Variants in KIRREL3 observed in about 807,000 individuals in gnomAD.
The protein encoded by KIRREL3 is kin of IRRE-like protein 3.
Under a neutral mutation model 89.7 loss-of-function variants are expected in KIRREL3, and 36 were observed. That is an observed-to-expected ratio of 0.40 (90% CI 0.31 to 0.53). The LOEUF is 0.53. KIRREL3 is among the 20% of genes least tolerant of loss of function. The pLI, the probability that KIRREL3 is intolerant of heterozygous loss-of-function variation, is 0.49. For missense variants in KIRREL3, 864 were observed against 1,056.6 expected, an observed-to-expected ratio of 0.82 and a Z score of 2.53; for synonymous variants, 445 against 441.4, an observed-to-expected ratio of 1.01 and a Z score of -0.10.
chr11:126,903,599 A>C lies in KIRREL3; in HGVS notation c.55+96856T>G, dbSNP rs1372580815. ...TTATTACTACCCATAACCCTGGCCT[A>C]AGTGGAAACAAAAAAGCTGTAGCCT... is the stretch of plus-strand genomic sequence containing the variant. On this transcript the variant is annotated intron_variant, in intron 1 of 16. Transcript: ENST00000525144. The surrounding 1 kb of genome is among the most constrained non-coding windows in gnomAD (Gnocchi z 4.5). 6.6e-6 allele frequency among the ~76,000 whole-genome samples: 1 copy of C among 152,192 alleles called. No individual in the cohort carries two copies. Among genetic ancestry groups the C allele is most frequent in the African/African-American group, 2.4e-5 (1 of 41,448 alleles).
At chr11:126,681,764 C>T (rs1302641634) in intron 1 of KIRREL3, 5 of 387,954 alleles carry the variant, frequency 1.3e-5, no homozygotes, top group African/African-American at 4.2e-5. Flanking sequence ...AACTCCACTC[C>T]CATTCTCTTC....
chr11:126,799,416 GTC>G (rs1950950952), intron 1 of KIRREL3, among the ~76,000 whole-genome samples: 1 of 1,202 alleles, frequency 8.3e-4, no homozygotes, highest in Non-Finnish European at 2.5e-3. Flanking sequence ...CTGTGTGTGC[GTC>G]TCTGTGTGCA....
chr11:126,871,858 C>G (rs141523176), intron 1 of KIRREL3, among the ~76,000 whole-genome samples: 1 of 152,160 alleles, frequency 6.6e-6, no homozygotes, highest in Non-Finnish European at 1.5e-5. Flanking sequence ...CACCAGTGAA[C>G]AAAGAAACCC....
At chr11:126,862,148 C>A (rs964155633) in intron 1 of KIRREL3, among the ~76,000 whole-genome samples, 1 of 152,208 alleles carries the variant, frequency 6.6e-6, no homozygotes, top group Non-Finnish European at 1.5e-5. Flanking sequence ...GAGCTCTTCC[C>A]CTAGCATCAT....
At chr11:126,659,292 C>T (rs1211679825) in intron 1 of KIRREL3, among the ~76,000 whole-genome samples, 2 of 152,200 alleles carry the variant, frequency 1.3e-5, no homozygotes, top group East Asian at 1.9e-4. Flanking sequence ...ATGAGAGTGA[C>T]ACCTCATAGG....
intron 1 of KIRREL3, among the ~76,000 whole-genome samples, chr11:126,714,394 C>T (rs1195426957): frequency 6.6e-6 from 1 of 152,236 alleles, no homozygotes; most frequent in Non-Finnish European, 1.5e-5. Flanking sequence ...GCCACAGCCC[C>T]TTAGCATTCA....
In KIRREL3 at chr11:126,519,041, G is replaced by A. The variant is rs566141472; in HGVS notation, c.433+2274C>T. Reference sequence around the variant, plus strand: ...CCTTTCTGGCTCTCAGGAATTTCACGGAGGGGACCCTGCTGGGGATCATGG... The same window carrying A: ...CCTTTCTGGCTCTCAGGAATTTCACAGAGGGGACCCTGCTGGGGATCATGG... On this transcript the variant is annotated intron_variant, in intron 4 of 16. Coordinates refer to ENST00000525144, the MANE Select transcript of KIRREL3 (RefSeq NM_032531.4). The surrounding 1 kb of genome is among the most constrained non-coding windows in gnomAD (Gnocchi z 4.3). 1.3e-4 allele frequency among the ~76,000 whole-genome samples: 20 copies of A among 152,340 alleles called. 1 individual carries two copies. In the South Asian group the frequency reaches 3.1e-3, roughly 24 times the overall value.
At chr11:126,434,652 G>C (rs986352835) in intron 13 of KIRREL3, among the ~76,000 whole-genome samples, 4 of 152,198 alleles carry the variant, frequency 2.6e-5, no homozygotes, top group Admixed American at 6.5e-5. Context: ...TTTTCTGCTC[G>C]GGGTGGGGTT....
intron 1 of KIRREL3, among the ~76,000 whole-genome samples, chr11:126,930,766 A>C (rs532102443): frequency 6.6e-6 from 1 of 152,128 alleles, no homozygotes; most frequent in African/African-American, 2.4e-5. Flanking sequence ...GGGTCTTACT[A>C]AATCAGGTAT....
chr11:126,801,457 G>A (rs1951030340), intron 1 of KIRREL3, among the ~76,000 whole-genome samples: 1 of 152,188 alleles, frequency 6.6e-6, no homozygotes, highest in African/African-American at 2.4e-5. Context: ...GAGTATTTCT[G>A]TGTGGGGTAA....
chr11:126,991,552 C>T lies in KIRREL3; in HGVS notation c.55+8903G>A, dbSNP rs561845402. On this transcript the variant is annotated intron_variant, in intron 1 of 16. Coordinates refer to ENST00000525144, the MANE Select transcript of KIRREL3 (RefSeq NM_032531.4). This position sits in a 1 kb window ranked among gnomAD's most constrained non-coding sequence, Gnocchi z 5.8. ...CAGTATGTCCTTAATTACTCTTCAG[C>T]CCCAAAGCCTGGCCTGTTATTTCCT... Among the ~76,000 whole-genome samples, 241 of 152,266 alleles carry T rather than the reference C, an allele frequency of 1.6e-3. No individual in the cohort carries two copies. The highest frequency in any genetic ancestry group is 2.9e-3 in the Non-Finnish European group (197 of 68,020).
rs1444128732 is a variant in KIRREL3 at position 126,719,909 on chromosome 11, A to G, written c.56-156997T>C. 1.3e-5 allele frequency among the ~76,000 whole-genome samples: 2 copies of G among 152,192 alleles called. No individual in the cohort carries two copies. The highest frequency in any genetic ancestry group is 4.8e-5 in the African/African-American group (2 of 41,444). On this transcript the variant is annotated intron_variant, in intron 1 of 16. Transcript: ENST00000525144. The surrounding 1 kb of genome is among the most constrained non-coding windows in gnomAD (Gnocchi z 4.7). Reference sequence around the variant, plus strand: ...CATCCTTACGCAATGTAGCAATGTCAGTTGGATCTGATCGCTCCTCTGTCC... The same window carrying G: ...CATCCTTACGCAATGTAGCAATGTCGGTTGGATCTGATCGCTCCTCTGTCC...
intron 4 of KIRREL3, among the ~76,000 whole-genome samples, chr11:126,500,761 G>GA (rs1957831066): frequency 6.8e-6 from 1 of 147,874 alleles, no homozygotes; most frequent in Non-Finnish European, 1.5e-5. Context: ...AAAAGAAAAA[G>GA]AAAAGAAAAA....
chr11:126,804,247 T>G (rs528266919), intron 1 of KIRREL3, among the ~76,000 whole-genome samples: 1 of 152,318 alleles, frequency 6.6e-6, no homozygotes, highest in Admixed American at 6.5e-5. Context: ...TTTAGGAGTG[T>G]GTGATTTCTC....
chr11:126,711,859 A>T lies in KIRREL3; in HGVS notation c.56-148947T>A, dbSNP rs535667194. Among the ~76,000 whole-genome samples, 161 of 152,322 alleles carry T rather than the reference A, an allele frequency of 1.1e-3. 2 individuals carry two copies. In the South Asian group the frequency reaches 0.024, roughly 23 times the overall value. Reference sequence around the variant, plus strand: ...GCTGCCCTCTCTCCACTGAGCCTGAAGCATGGGCGGCGGTGGGAGCCGCTT... The same window carrying T: ...GCTGCCCTCTCTCCACTGAGCCTGATGCATGGGCGGCGGTGGGAGCCGCTT... On this transcript the variant is annotated intron_variant, in intron 1 of 16. Transcript: ENST00000525144.
At chr11:126,674,074 C>T (rs1463848806) in intron 1 of KIRREL3, among the ~76,000 whole-genome samples, 1 of 152,238 alleles carries the variant, frequency 6.6e-6, no homozygotes, top group African/African-American at 2.4e-5. Flanking sequence ...TGGCCAGGAC[C>T]CTTTCAAGCT....
At chr11:126,901,001 G>C (rs1946347083) in intron 1 of KIRREL3, among the ~76,000 whole-genome samples, 1 of 152,086 alleles carries the variant, frequency 6.6e-6, no homozygotes, top group South Asian at 2.1e-4. Context: ...GGATCACGAG[G>C]TCAGGAGTTC....
rs1291508830 is a variant in KIRREL3 at position 126,668,577 on chromosome 11, C to T, written c.56-105665G>A. Among the ~76,000 whole-genome samples, 1 of 152,088 alleles carries T rather than the reference C, an allele frequency of 6.6e-6. No homozygotes were observed. The highest frequency in any genetic ancestry group is 1.9e-4 in the East Asian group (1 of 5,190). ...ATGATGGCCTTTCTTCCTGTTCTTC[C>T]TCGTTAGTTTCTTCCCACTTCTCTA... is the stretch of plus-strand genomic sequence containing the variant. On this transcript the variant is annotated intron_variant, in intron 1 of 16. Transcript: ENST00000525144. This position sits in a 1 kb window ranked among gnomAD's most constrained non-coding sequence, Gnocchi z 4.4.
In KIRREL3 at chr11:126,923,183, TC is replaced by T. The variant is rs1389572056; in HGVS notation, c.55+77271del. 3.0e-3 allele frequency among the ~76,000 whole-genome samples: 87 copies of T among 28,588 alleles called. 22 individuals are homozygous for T. The highest frequency in any genetic ancestry group is 9.3e-3 in the South Asian group (6 of 642). 18.8% of individuals were successfully genotyped at this position (28,588 alleles called of 152,430 possible). ...CTTCTTCTTCTTCTTCTTCTCTTCT[TC>T]TTCTCTTCTTCTTCTTCTTCTTCTT... On this transcript the variant is annotated intron_variant, in intron 1 of 16. Transcript: ENST00000525144.
Sources: gnomAD v4.1 joint callset for allele counts (sites outside exome capture counted in the v4.1 genomes callset) on GRCh38, gnomAD v4.1.1 for gene constraint, Gnocchi (gnomAD v3.1) non-coding constraint, MANE v1.5 for transcripts, NCBI Gene and HGNC (gene_info 2026-07-23, HGNC 2026-07-21) for gene names.